MFSD6: variants seen among roughly 807,000 people sequenced by gnomAD.
MFSD6 encodes major facilitator superfamily domain-containing protein 6.
In MFSD6, 26 loss-of-function variants were observed where a neutral mutation model predicts 56.3. That is an observed-to-expected ratio of 0.46 (90% CI 0.34 to 0.64). MFSD6 has a LOEUF of 0.64. Ranked by LOEUF, MFSD6 falls within the 30% of genes least tolerant of loss-of-function variation. The pLI, the probability that MFSD6 is intolerant of heterozygous loss-of-function variation, is 0.01. For synonymous variants in MFSD6, 331 were observed against 366.9 expected (o/e 0.90, Z 1.12); for missense variants, 750 against 986.2 (o/e 0.76, Z 3.21).
Position 190,456,355 on chromosome 2 carries a change from A to G in MFSD6, c.1533-13403A>G, listed in dbSNP as rs920197035. On this transcript the variant is annotated intron_variant, in intron 3 of 7. Transcript: ENST00000392328. This position sits in a 1 kb window ranked among gnomAD's most constrained non-coding sequence, Gnocchi z 5.4. The stretch of plus-strand genomic sequence containing the variant: ...TTGACTTCAGTCTGAGTGCTAGTGA[A>G]TGTTCAGGAATGACAGAGAGGGAGA... Among the ~76,000 whole-genome samples the G allele has an allele frequency of 2.0e-5, 3 of 152,200 alleles. No homozygotes were observed. The highest frequency in any genetic ancestry group is 4.4e-5 in the Non-Finnish European group (3 of 68,020).
intron 4 of MFSD6, among the ~76,000 whole-genome samples, chr2:190,475,169 C>A (rs62181030): frequency 6.6e-6 from 1 of 151,866 alleles, no homozygotes; most frequent in Non-Finnish European, 1.5e-5. Context: ...CAGGGATGCC[C>A]TCTCTCACCA....
chr2:190,497,070 T>A lies in MFSD6; in HGVS notation c.1892-369T>A, dbSNP rs1280420721. Reference sequence around the variant, plus strand: ...AAACCTGTGGGAATAAAACATTTTTTAAAAAATAACTATCACGTGGCTTTT... The same window carrying A: ...AAACCTGTGGGAATAAAACATTTTTAAAAAAATAACTATCACGTGGCTTTT... On this transcript the variant is annotated intron_variant, in intron 6 of 7. Coordinates refer to ENST00000392328, the MANE Select transcript of MFSD6 (RefSeq NM_017694.4). The surrounding 1 kb of genome is among the most constrained non-coding windows in gnomAD (Gnocchi z 5.2). Among the ~76,000 whole-genome samples the A allele has an allele frequency of 6.6e-6, 1 of 152,180 alleles. No individual in the cohort carries two copies. Among genetic ancestry groups the A allele is most frequent in the African/African-American group, 2.4e-5 (1 of 41,452 alleles).
chr2:190,499,617 C>A lies in MFSD6; in HGVS notation c.2173-398C>A, dbSNP rs2125280188. Among the ~76,000 whole-genome samples, 2 of 152,356 alleles carry A rather than the reference C, an allele frequency of 1.3e-5. 1 individual carries two copies. Among genetic ancestry groups the A allele is most frequent in the African/African-American group, 4.8e-5 (2 of 41,578 alleles). On this transcript the variant is annotated intron_variant, in intron 7 of 7. Transcript: ENST00000392328. This position sits in a 1 kb window ranked among gnomAD's most constrained non-coding sequence, Gnocchi z 6.0. Reference sequence around the variant, plus strand: ...TACCTCCTGTTAGACAAAGTGTCTTCTGGCTCTTGGATTCTGTGGTCTTAG... The same window carrying A: ...TACCTCCTGTTAGACAAAGTGTCTTATGGCTCTTGGATTCTGTGGTCTTAG...
intron 3 of MFSD6, among the ~76,000 whole-genome samples, chr2:190,440,487 C>T (rs1686332357): frequency 6.6e-6 from 1 of 152,146 alleles, no homozygotes; most frequent in South Asian, 2.1e-4. Context: ...TATTTTTAGG[C>T]TATAAATGAT....
rs1424195742 is a variant in MFSD6, at chr2:190,433,170, G to T, written c.-53-2807G>T. Reference sequence around the variant, plus strand: ...TTGTCATTTTAGTGGGTTCAGGGAAGGATTCAAACTACATGTGTTTAATCT... The same window carrying T: ...TTGTCATTTTAGTGGGTTCAGGGAATGATTCAAACTACATGTGTTTAATCT... On this transcript the variant is annotated intron_variant, in intron 2 of 7. Coordinates refer to ENST00000392328, the MANE Select transcript of MFSD6 (RefSeq NM_017694.4). This position sits in a 1 kb window ranked among gnomAD's most constrained non-coding sequence, Gnocchi z 4.5. Among the ~76,000 whole-genome samples, 3 of 152,166 alleles carry T rather than the reference G, an allele frequency of 2.0e-5. No individual in the cohort carries two copies. Among genetic ancestry groups the T allele is most frequent in the Non-Finnish European group, 4.4e-5 (3 of 67,998 alleles).
rs1298446741 is a variant in MFSD6, at chr2:190,488,787, C to T, written c.1761C>T (p.Ala587=). The T allele has an allele frequency of 6.3e-7, 1 of 1,599,456 alleles. No homozygotes were observed. Residue 587 remains alanine (A), a synonymous_variant, in exon 5 of 8, where the codon GCC becomes GCT. Coordinates refer to ENST00000392328, the MANE Select transcript of MFSD6 (RefSeq NM_017694.4). This position sits in a 1 kb window ranked among gnomAD's most constrained non-coding sequence, Gnocchi z 6.4. ...TGGGTTTGGGAAGAGGATGTGGTGCCATGATCGGAGGCGTGTTAGTCAATT... is the reference window on the plus strand; with the variant it reads ...TGGGTTTGGGAAGAGGATGTGGTGCTATGATCGGAGGCGTGTTAGTCAATT... The part of the protein sequence containing the change: ...LHLGLGRGCG[A]MIGGVLVNYF...
At chr2:190,460,370 T>C (rs1687260206) in intron 3 of MFSD6, among the ~76,000 whole-genome samples, 1 of 152,264 alleles carries the variant, frequency 6.6e-6, no homozygotes, top group African/African-American at 2.4e-5. Flanking sequence ...CACTTATTCC[T>C]ATACCATAAT....
rs1478502683 is a variant in MFSD6, at chr2:190,418,666, AG to A, written c.-54+3255del. Among the ~76,000 whole-genome samples, 1 of 152,102 alleles carries A rather than the reference AG, an allele frequency of 6.6e-6. No homozygotes were observed. The highest frequency in any genetic ancestry group is 1.5e-5 in the Non-Finnish European group (1 of 68,008). ...CAGCTACTTGGGAGGTTGAGGTGGGAGGATCACTTGAGCCCAGGAGGTCAAG... is the reference window on the plus strand; with the variant it reads ...CAGCTACTTGGGAGGTTGAGGTGGGAGATCACTTGAGCCCAGGAGGTCAAG... On this transcript the variant is annotated intron_variant, in intron 2 of 7. Coordinates refer to ENST00000392328, the MANE Select transcript of MFSD6 (RefSeq NM_017694.4). This position sits in a 1 kb window ranked among gnomAD's most constrained non-coding sequence, Gnocchi z 4.1.
Position 190,467,034 on chromosome 2 carries a change from C to A in MFSD6, c.1533-2724C>A, listed in dbSNP as rs1395661807. 6.6e-6 allele frequency among the ~76,000 whole-genome samples: 1 copy of A among 152,222 alleles called. No individual in the cohort carries two copies. Among genetic ancestry groups the A allele is most frequent in the African/African-American group, 2.4e-5 (1 of 41,452 alleles). ...CTGGATTGAATTACAGTTGTCATGG[C>A]AACCCTGATTCAGAGGTGGGCTCAA... On this transcript the variant is annotated intron_variant, in intron 3 of 7. Transcript: ENST00000392328. The surrounding 1 kb of genome is among the most constrained non-coding windows in gnomAD (Gnocchi z 5.5).
At position 190,486,450 on chromosome 2, in the gene MFSD6, G is replaced by T. The variant is rs1689013439; in HGVS notation, c.1631-2207G>T. On this transcript the variant is annotated intron_variant, in intron 4 of 7. Coordinates refer to ENST00000392328, the MANE Select transcript of MFSD6 (RefSeq NM_017694.4). ...CTGCCCTGGAACTCTAGCCACCTTG[G>T]CTCCCTAGACTCTTGGCTAGAGTCT... Among the ~76,000 whole-genome samples, 2 of 152,178 alleles carry T rather than the reference G, an allele frequency of 1.3e-5. 1 individual carries two copies. The highest frequency in any genetic ancestry group is 4.8e-5 in the African/African-American group (2 of 41,442).
At position 190,465,714 on chromosome 2, in the gene MFSD6, C is replaced by T. The variant is rs141799888; in HGVS notation, c.1533-4044C>T. 9.7e-4 allele frequency among the ~76,000 whole-genome samples: 147 copies of T among 152,140 alleles called. No individual in the cohort carries two copies. The highest frequency in any genetic ancestry group is 3.3e-3 in the African/African-American group (137 of 41,512). On this transcript the variant is annotated intron_variant, in intron 3 of 7. Transcript: ENST00000392328. The surrounding 1 kb of genome is among the most constrained non-coding windows in gnomAD (Gnocchi z 4.6). ...GGCTTAAAAAACAGAAGTTTATGGC[C>T]GGGCGTGGTGGCTCACGCCTATAAT...
At chr2:190,452,379 T>C (rs1269628136) in intron 3 of MFSD6, among the ~76,000 whole-genome samples, 1 of 152,208 alleles carries the variant, frequency 6.6e-6, no homozygotes, top group Non-Finnish European at 1.5e-5. Context: ...TTATTACATA[T>C]AAAAGTTACA....
At chr2:190,484,801 C>T (rs529084052) in intron 4 of MFSD6, among the ~76,000 whole-genome samples, 19 of 152,240 alleles carry the variant, frequency 1.2e-4, no homozygotes, top group South Asian at 8.3e-4. Context: ...TTCACTTATA[C>T]GATATCTTAA....
In MFSD6 at chr2:190,437,326, T is replaced by G. The variant is rs1686213965; in HGVS notation, c.1297T>G (p.Phe433Val). Residue 433 changes from phenylalanine (F) to valine (V), a missense_variant, in exon 3 of 8, where the codon TTC becomes GTC. This residue lies in a region of MFSD6 where 376 missense variants were observed against 437.9 expected (regional missense o/e 0.86). Transcript: ENST00000392328. The surrounding 1 kb of genome is among the most constrained non-coding windows in gnomAD (Gnocchi z 5.9). ...TPTTTSHSQA[F>V]NFWDLIKLLC... ...AACCACCACAAGCCACTCGCAGGCCTTCAACTTTTGGGACTTAATCAAGCT... is the reference window on the plus strand; with the variant it reads ...AACCACCACAAGCCACTCGCAGGCCGTCAACTTTTGGGACTTAATCAAGCT... The G allele has an allele frequency of 1.2e-6, 2 of 1,614,244 alleles. No homozygotes were observed. The highest frequency in any genetic ancestry group is 4.5e-5 in the East Asian group (2 of 44,884).
rs1191617629 is a variant in MFSD6 at position 190,491,142 on chromosome 2, G to A, written c.1891+1276G>A. ...ATCATTAATTAAACATTCAATGTAA[G>A]AAACATAAAAATAAGCAATCAAATT... On this transcript the variant is annotated intron_variant, in intron 6 of 7. Transcript: ENST00000392328. This position sits in a 1 kb window ranked among gnomAD's most constrained non-coding sequence, Gnocchi z 4.2. 6.6e-6 allele frequency among the ~76,000 whole-genome samples: 1 copy of A among 152,142 alleles called. No homozygotes were observed. The highest frequency in any genetic ancestry group is 2.4e-5 in the African/African-American group (1 of 41,430).
chr2:190,408,755 G>C (rs75223261), intron 1 of MFSD6, among the ~76,000 whole-genome samples: 33,758 of 151,992 alleles, frequency 0.22, 4,833 homozygotes, highest in South Asian at 0.33. Context: ...GGGGTGCTGG[G>C]GGAGGCTGCC....
rs1416195193 is a variant in MFSD6 at position 190,425,791 on chromosome 2, G to A, written c.-53-10186G>A. ...GGTTCTTGTATCTAGATTTACCAGG[G>A]ATATTAGTAGTTTTCTGTTTTTTTG... is the stretch of plus-strand genomic sequence containing the variant. On this transcript the variant is annotated intron_variant, in intron 2 of 7. Transcript: ENST00000392328. The surrounding 1 kb of genome is among the most constrained non-coding windows in gnomAD (Gnocchi z 4.3). Among the ~76,000 whole-genome samples the A allele has an allele frequency of 6.6e-6, 1 of 151,934 alleles. No individual in the cohort carries two copies. Among genetic ancestry groups the A allele is most frequent in the African/African-American group, 2.4e-5 (1 of 41,362 alleles).
Position 190,436,887 on chromosome 2 carries a change from T to C in MFSD6, c.858T>C (p.Ala286=). The C allele has an allele frequency of 6.2e-7, 1 of 1,614,232 alleles. No individual in the cohort carries two copies. ...MLVYDQQEVE[A]IFLVILVVVI... ...TTTATGATCAACAAGAAGTTGAAGC[T>C]ATATTCTTGGTGATCTTGGTAGTTG... Residue 286 remains alanine, a synonymous_variant, in exon 3 of 8, where the codon GCT becomes GCC. Coordinates refer to ENST00000392328, the MANE Select transcript of MFSD6 (RefSeq NM_017694.4). The surrounding 1 kb of genome is among the most constrained non-coding windows in gnomAD (Gnocchi z 5.3).
Position 190,412,015 on chromosome 2 carries a change from C to A in MFSD6, c.-175-3277C>A, listed in dbSNP as rs1690582730. 3.0e-6 allele frequency: 3 copies of A among 985,266 alleles called. No homozygotes were observed. The highest frequency in any genetic ancestry group is 3.6e-6 in the Non-Finnish European group (3 of 829,838). 61.0% of individuals were successfully genotyped at this position (985,266 alleles called of 1,614,324 possible). ...TGTCATCTCATGAAATTATGGCATT[C>A]TGGATGACTTTAGGTATAATTATTT... On this transcript the variant is annotated intron_variant, in intron 1 of 7. Coordinates refer to ENST00000392328, the MANE Select transcript of MFSD6 (RefSeq NM_017694.4). This position sits in a 1 kb window ranked among gnomAD's most constrained non-coding sequence, Gnocchi z 4.1.
Sources: gnomAD v4.1 joint callset for allele counts (sites outside exome capture counted in the v4.1 genomes callset) on GRCh38, gnomAD v4.1.1 for gene constraint, gnomAD v4.1.1 regional missense constraint, Gnocchi (gnomAD v3.1) non-coding constraint, MANE v1.5 for transcripts, NCBI Gene and HGNC (gene_info 2026-07-23, HGNC 2026-07-21) for gene names.